The following ASB18 variants were observed in gnomAD, a reference collection of about 807,000 sequenced individuals.
The protein encoded by ASB18 is ankyrin repeat and SOCS box containing 18.
A neutral mutation model predicts 33.4 loss-of-function variants in ASB18; 33 were observed. That is an observed-to-expected ratio of 0.99 (90% CI 0.75 to 1.32). The LOEUF is 1.32. Among genes scored for constraint, ASB18 ranks in the 40% most tolerant of loss-of-function variants. The pLI, the probability that ASB18 is intolerant of heterozygous loss-of-function variation, is 0.00. For missense variants in ASB18, 694 were observed against 655.5 expected (o/e 1.06, Z -0.64); for synonymous variants, 295 against 307.6 (o/e 0.96, Z 0.43).
rs925279344 is a variant in ASB18 at position 236,211,422 on chromosome 2, G to A, written c.1101+2940C>T. ...GAAGGATGCCCTGTGTCCGCCTGCC[G>A]CGACGATGGTGCCTTTGTCTGGGCA... is the stretch of plus-strand genomic sequence containing the variant. On this transcript the variant is annotated intron_variant, in intron 4 of 5. Transcript: ENST00000409749. This position sits in a 1 kb window ranked among gnomAD's most constrained non-coding sequence, Gnocchi z 5.0. Among the ~76,000 whole-genome samples, 4 of 152,232 alleles carry A rather than the reference G, an allele frequency of 2.6e-5. No individual in the cohort carries two copies. The highest frequency in any genetic ancestry group is 9.6e-5 in the African/African-American group (4 of 41,456).
chr2:236,198,441 T>C (rs2060384474), intron 4 of ASB18, among the ~76,000 whole-genome samples: 1 of 152,158 alleles, frequency 6.6e-6, no homozygotes, highest in East Asian at 1.9e-4. Flanking sequence ...TGATCTTGGC[T>C]CACTGCAACC....
Position 236,196,518 on chromosome 2 carries a change from G to A in ASB18, c.1102-133C>T. 1 of 635,972 alleles carries A rather than the reference G, an allele frequency of 1.6e-6. No individual in the cohort carries two copies. The highest frequency in any genetic ancestry group is 2.9e-6 in the Non-Finnish European group (1 of 347,174). The allele number at this position is 635,972 out of a possible 1,614,324, so 39.4% of individuals were successfully genotyped here. On this transcript the variant is annotated intron_variant, in intron 4 of 5. Coordinates refer to ENST00000409749, the MANE Select transcript of ASB18 (RefSeq NM_212556.4). The surrounding 1 kb of genome is among the most constrained non-coding windows in gnomAD (Gnocchi z 5.6). ...CTACGCCCAAGCCACACAGGGAACA[G>A]CAACAGAGCAGTACCACAGGGTTGC...
At chr2:236,243,020 CAAAAAAA>C (rs35265987) in intron 1 of ASB18, among the ~76,000 whole-genome samples, 1 of 38,424 alleles carries the variant, frequency 2.6e-5, no homozygotes, top group African/African-American at 1.3e-4. Flanking sequence ...GACCCTGTCT[CAAAAAAA>C]AAAAAAAAAA....
chr2:236,223,387 C>A lies in ASB18; in HGVS notation c.597-8521G>T, dbSNP rs1411793903. On this transcript the variant is annotated intron_variant, in intron 3 of 5. Coordinates refer to ENST00000409749, the MANE Select transcript of ASB18 (RefSeq NM_212556.4). The surrounding 1 kb of genome is among the most constrained non-coding windows in gnomAD (Gnocchi z 4.6). ...CCAATATACTAGGTGAAGAGGAAGA[C>A]CCAGTAGCATCAGAGTGAGTGGAAA... Among the ~76,000 whole-genome samples the A allele has an allele frequency of 6.6e-6, 1 of 151,994 alleles. No homozygotes were observed. Among genetic ancestry groups the A allele is most frequent in the Non-Finnish European group, 1.5e-5 (1 of 68,012 alleles).
chr2:236,224,506 G>A (rs185198406), intron 3 of ASB18, among the ~76,000 whole-genome samples: 168 of 152,230 alleles, frequency 1.1e-3, no homozygotes, highest in Non-Finnish European at 1.4e-3. Flanking sequence ...TGTTTGGAGG[G>A]AGGTGGCCAG....
rs1296994713 is a variant in ASB18, at chr2:236,226,137, G to A, written c.597-11271C>T. Among the ~76,000 whole-genome samples the A allele has an allele frequency of 6.6e-6, 1 of 152,156 alleles. No individual in the cohort carries two copies. Among genetic ancestry groups the A allele is most frequent in the Non-Finnish European group, 1.5e-5 (1 of 68,030 alleles). Reference sequence around the variant, plus strand: ...GACTCTTTAGAGCTGAAAAGCCATGGTCAAAACCTCAGGCCCTTTCGACAT... The same window carrying A: ...GACTCTTTAGAGCTGAAAAGCCATGATCAAAACCTCAGGCCCTTTCGACAT... On this transcript the variant is annotated intron_variant, in intron 3 of 5. Coordinates refer to ENST00000409749, the MANE Select transcript of ASB18 (RefSeq NM_212556.4). This position sits in a 1 kb window ranked among gnomAD's most constrained non-coding sequence, Gnocchi z 4.8.
intron 3 of ASB18, among the ~76,000 whole-genome samples, chr2:236,230,701 GA>G (rs1442568368): frequency 6.7e-6 from 1 of 149,742 alleles, no homozygotes. Context: ...AAACCAGAAA[GA>G]AATCACTTAA....
At position 236,237,731 on chromosome 2, in the gene ASB18, C is replaced by A; in HGVS notation, c.554G>T (p.Gly185Val). The A allele has an allele frequency of 6.8e-7, 1 of 1,460,630 alleles. No individual in the cohort carries two copies. The highest frequency in any genetic ancestry group is 9.0e-7 in the Non-Finnish European group (1 of 1,112,124). The allele number at this position is 1,460,630 out of a possible 1,614,324, so 90.5% of individuals were successfully genotyped here. ...GCGGCAGAGGTGCAGAGGCGCCAGGCCCTCGGCGCTGAGCAGGTCGGGGTC... is the reference window on the plus strand; with the variant it reads ...GCGGCAGAGGTGCAGAGGCGCCAGGACCTCGGCGCTGAGCAGGTCGGGGTC... ...RADPDLLSAE[G>V]LAPLHLCRTA... Residue 185 changes from glycine (G) to valine (V), a missense_variant, in exon 3 of 6, where the codon GGC (glycine) becomes GTC (valine). Transcript: ENST00000409749. This position sits in a 1 kb window ranked among gnomAD's most constrained non-coding sequence, Gnocchi z 6.2.
rs528724715 is a variant in ASB18 at position 236,253,963 on chromosome 2, A to T, written c.205+10178T>A. 6.6e-6 allele frequency: 1 copy of T among 152,098 alleles called. No individual in the cohort carries two copies. Among genetic ancestry groups the T allele is most frequent in the African/African-American group, 2.4e-5 (1 of 41,404 alleles). The allele number at this position is 152,098 out of a possible 1,614,324, so 9.4% of individuals were successfully genotyped here. On this transcript the variant is annotated intron_variant, in intron 1 of 5. Transcript: ENST00000409749. The surrounding 1 kb of genome is among the most constrained non-coding windows in gnomAD (Gnocchi z 5.4). ...GGATGCCAGAGTTAGCTCAGGGTAC[A>T]TCTTTAGGCCTTTGGATGCCTGTTA...
chr2:236,214,805 C>T lies in ASB18; in HGVS notation c.658G>A (p.Asp220Asn), dbSNP rs1370220327. 17 of 1,210,018 alleles carry T rather than the reference C, an allele frequency of 1.4e-5. No homozygotes were observed. The East Asian group carries it at 5.5e-4, about 39-fold the overall frequency. The allele number at this position is 1,210,018 out of a possible 1,614,324, so 75.0% of individuals were successfully genotyped here. The change falls in exon 4 of 6, where the codon GAC (aspartate) becomes AAC (asparagine). Residue 220 changes from aspartate (D) to asparagine (N), a missense_variant. Transcript: ENST00000409749. The surrounding 1 kb of genome is among the most constrained non-coding windows in gnomAD (Gnocchi z 6.5). ...SVQRVGGTGRDTPLHVAAQRG... is the reference protein window; with the variant it reads ...SVQRVGGTGRNTPLHVAAQRG... ...TGCGCCGCCACGTGCAGCGGCGTGT[C>T]CCGGCCCGTGCCGCCCACGCGCTGC...
At position 236,214,895 on chromosome 2, in the gene ASB18, G is replaced by A; in HGVS notation, c.597-29C>T. ...TGGGAAGCCAGGGCCTGTCACTCGG[G>A]CGCCACGCAGGACGCCCGCACCCTT... is the stretch of plus-strand genomic sequence containing the variant. On this transcript the variant is annotated intron_variant, in intron 3 of 5. Coordinates refer to ENST00000409749, the MANE Select transcript of ASB18 (RefSeq NM_212556.4). This position sits in a 1 kb window ranked among gnomAD's most constrained non-coding sequence, Gnocchi z 6.5. 12 of 1,207,418 alleles carry A rather than the reference G, an allele frequency of 9.9e-6. No homozygotes were observed. Among genetic ancestry groups the A allele is most frequent in the Non-Finnish European group, 1.2e-5 (12 of 972,024 alleles). The allele number at this position is 1,207,418 out of a possible 1,614,324, so 74.8% of individuals were successfully genotyped here.
chr2:236,254,472 T>C (rs2060682906), intron 1 of ASB18, among the ~76,000 whole-genome samples: 1 of 151,926 alleles, frequency 6.6e-6, no homozygotes, highest in African/African-American at 2.4e-5. Context: ...TTCTTGAATC[T>C]ATAAAGTTAC....
Position 236,214,902 on chromosome 2 carries a change from G to A in ASB18, c.597-36C>T. ...CCAGGGCCTGTCACTCGGGCGCCAC[G>A]CAGGACGCCCGCACCCTTCCACCCC... On this transcript the variant is annotated intron_variant, in intron 3 of 5. Transcript: ENST00000409749. The surrounding 1 kb of genome is among the most constrained non-coding windows in gnomAD (Gnocchi z 6.5). The A allele has an allele frequency of 6.6e-6, 8 of 1,205,338 alleles. No homozygotes were observed. Among genetic ancestry groups the A allele is most frequent in the Non-Finnish European group, 8.2e-6 (8 of 970,766 alleles). 74.7% of individuals were successfully genotyped at this position (1,205,338 alleles called of 1,614,324 possible). A position where few individuals can be genotyped will look rare whatever the true frequency, so the allele number is the denominator to read the frequency against.
intron 1 of ASB18, among the ~76,000 whole-genome samples, chr2:236,242,171 G>A (rs1179241367): frequency 6.6e-6 from 1 of 152,178 alleles, no homozygotes; most frequent in Non-Finnish European, 1.5e-5. Flanking sequence ...CTAGTTAGCA[G>A]CTGTGCTATG....
chr2:236,204,891 T>C lies in ASB18; in HGVS notation c.1102-8506A>G, dbSNP rs1423765537. The stretch of plus-strand genomic sequence containing the variant: ...ATAGCAAACTCATTCTTGCAGTCTC[T>C]TGGGCTAGAATCAGAGTCGTCCATT... On this transcript the variant is annotated intron_variant, in intron 4 of 5. Coordinates refer to ENST00000409749, the MANE Select transcript of ASB18 (RefSeq NM_212556.4). This position sits in a 1 kb window ranked among gnomAD's most constrained non-coding sequence, Gnocchi z 5.1. Among the ~76,000 whole-genome samples, 1 of 152,230 alleles carries C rather than the reference T, an allele frequency of 6.6e-6. No individual in the cohort carries two copies. The highest frequency in any genetic ancestry group is 2.4e-5 in the African/African-American group (1 of 41,470).
At position 236,262,489 on chromosome 2, in the gene ASB18, C is replaced by T. The variant is rs755789607; in HGVS notation, c.205+1652G>A. Among the ~76,000 whole-genome samples the T allele has an allele frequency of 3.3e-5, 5 of 152,158 alleles. No homozygotes were observed. The highest frequency in any genetic ancestry group is 1.9e-4 in the East Asian group (1 of 5,174). Reference sequence around the variant, plus strand: ...CCAGCAGCGATCTGGCAGGGAGGGCCGGGGAAGCACTTGCCCTACCCTCAC... The same window carrying T: ...CCAGCAGCGATCTGGCAGGGAGGGCTGGGGAAGCACTTGCCCTACCCTCAC... On this transcript the variant is annotated intron_variant, in intron 1 of 5. Coordinates refer to ENST00000409749, the MANE Select transcript of ASB18 (RefSeq NM_212556.4). This position sits in a 1 kb window ranked among gnomAD's most constrained non-coding sequence, Gnocchi z 5.2.
chr2:236,255,924 A>G lies in ASB18; in HGVS notation c.205+8217T>C, dbSNP rs2060689831. On this transcript the variant is annotated intron_variant, in intron 1 of 5. Transcript: ENST00000409749. The surrounding 1 kb of genome is among the most constrained non-coding windows in gnomAD (Gnocchi z 4.4). ...TCCTTCCTTTGGATCACAGCCTCCCAGGAACATGCTCCTGTTTCGAGGGTC... is the reference window on the plus strand; with the variant it reads ...TCCTTCCTTTGGATCACAGCCTCCCGGGAACATGCTCCTGTTTCGAGGGTC... Among the ~76,000 whole-genome samples, 1 of 152,168 alleles carries G rather than the reference A, an allele frequency of 6.6e-6. No homozygotes were observed. Among genetic ancestry groups the G allele is most frequent in the African/African-American group, 2.4e-5 (1 of 41,438 alleles).
intron 3 of ASB18, among the ~76,000 whole-genome samples, chr2:236,232,337 C>T (rs1164220035): frequency 6.6e-6 from 1 of 151,186 alleles, no homozygotes; most frequent in Admixed American, 6.6e-5. Context: ...TTGTGGGATT[C>T]AGCTAAAATA....
intron 3 of ASB18, among the ~76,000 whole-genome samples, chr2:236,218,749 G>T (rs1450454121): frequency 3.2e-5 from 4 of 124,332 alleles, no homozygotes; most frequent in African/African-American, 1.2e-4. Flanking sequence ...AGTGAGCCAA[G>T]ATCACACCAC....
Sources: gnomAD v4.1 joint callset for allele counts (sites outside exome capture counted in the v4.1 genomes callset) on GRCh38, gnomAD v4.1.1 for gene constraint, Gnocchi (gnomAD v3.1) non-coding constraint, MANE v1.5 for transcripts, NCBI Gene and HGNC (gene_info 2026-07-23, HGNC 2026-07-21) for gene names.